OGDH: variants seen among roughly 807,000 people sequenced by gnomAD.
OGDH encodes the protein oxoglutarate dehydrogenase.
Under a neutral mutation model 116.6 loss-of-function variants are expected in OGDH, and 38 were observed. The ratio of observed to expected loss-of-function variants is 0.33; its 90% CI spans 0.25 to 0.43. The LOEUF is 0.43. Among genes scored for constraint, OGDH ranks in the 20% least tolerant of loss-of-function variants. OGDH has a pLI of 1.00. For missense variants in OGDH, 825 were observed against 1,357.2 expected, an observed-to-expected ratio of 0.61 and a Z score of 6.16; for synonymous variants, 488 against 533.3, an observed-to-expected ratio of 0.92 and a Z score of 1.17.
chr7:44,696,540 A>G lies in OGDH; in HGVS notation c.1883A>G (p.Asn628Ser), dbSNP rs1788588727. 1 of 1,614,162 alleles carries G rather than the reference A, an allele frequency of 6.2e-7. No individual in the cohort carries two copies. Among genetic ancestry groups the G allele is most frequent in the East Asian group, 2.2e-5 (1 of 44,878 alleles). ...GTGGCTAGTTCTGTGCCTGTGGAAA[A>G]CTTTACTATTCATGGAGGTAACACG... ...GNVASSVPVE[N>S]FTIHGGLSRI... The change falls in exon 14 of 23, where the codon AAC becomes AGC. Residue 628 changes from asparagine to serine, a missense_variant. Coordinates refer to ENST00000222673, the MANE Select transcript of OGDH (RefSeq NM_002541.4).
chr7:44,705,347 C>T (rs946403083), intron 20 of OGDH, among the ~76,000 whole-genome samples: 23 of 152,022 alleles, frequency 1.5e-4, no homozygotes, highest in Non-Finnish European at 1.9e-4. Context: ...CCACCGCGCC[C>T]GGCCAAGTTT....
intron 2 of OGDH, among the ~76,000 whole-genome samples, chr7:44,636,043 C>G (rs1046282381): frequency 6.6e-6 from 1 of 152,192 alleles, no homozygotes; most frequent in African/African-American, 2.4e-5. Flanking sequence ...GCAGGACCAT[C>G]ATCTTAAATA....
chr7:44,611,109 C>CTAAA (rs1197980155), intron 1 of OGDH, among the ~76,000 whole-genome samples: 2 of 134,046 alleles, frequency 1.5e-5, no homozygotes, highest in Non-Finnish European at 3.1e-5. Flanking sequence ...CGGTCTTACT[C>CTAAA]TGTCACCCCA....
intron 1 of OGDH, among the ~76,000 whole-genome samples, chr7:44,612,322 G>A (rs1001456893): frequency 5.3e-5 from 8 of 151,980 alleles, no homozygotes; most frequent in South Asian, 2.1e-4. Flanking sequence ...TCTCAAAATC[G>A]GATAGATTGA....
intron 2 of OGDH, among the ~76,000 whole-genome samples, chr7:44,637,007 C>T (rs1785699708): frequency 6.6e-6 from 1 of 152,092 alleles, no homozygotes; most frequent in Non-Finnish European, 1.5e-5. Context: ...TCAGCCATTA[C>T]CCTGGTCAGG....
intron 5 of OGDH, among the ~76,000 whole-genome samples, chr7:44,672,527 C>A (rs1236711143): frequency 6.6e-6 from 1 of 152,068 alleles, no homozygotes; most frequent in African/African-American, 2.4e-5. Flanking sequence ...TGCTGACTTG[C>A]AGTTTGCTCT....
chr7:44,628,574 G>A (rs900117442), intron 2 of OGDH, among the ~76,000 whole-genome samples: 70 of 151,294 alleles, frequency 4.6e-4, no homozygotes, highest in African/African-American at 1.6e-3. Flanking sequence ...ACAAGGCAAG[G>A]CCTTGTCTCT....
chr7:44,617,357 C>T (rs1784845871), intron 1 of OGDH, among the ~76,000 whole-genome samples: 1 of 152,110 alleles, frequency 6.6e-6, no homozygotes, highest in Non-Finnish European at 1.5e-5. Context: ...CCCAGGAAAG[C>T]TCACACAGTG....
chr7:44,698,552 G>A (rs929949875), intron 18 of OGDH, among the ~76,000 whole-genome samples: 2 of 152,038 alleles, frequency 1.3e-5, no homozygotes, highest in Admixed American at 6.6e-5. Context: ...GGGCTCCTGC[G>A]GGATGCTTCC....
chr7:44,698,083 A>G (rs1788664580), intron 17 of OGDH, 109 bp from the exon 18 acceptor site: 14 of 1,291,544 alleles, frequency 1.1e-5, no homozygotes, highest in Non-Finnish European at 1.6e-5. Flanking sequence ...CCCTGCCATC[A>G]AGAAAAAAGA....
At chr7:44,658,193 G>A (rs1786778804) in intron 4 of OGDH, among the ~76,000 whole-genome samples, 1 of 151,312 alleles carries the variant, frequency 6.6e-6, no homozygotes, top group Non-Finnish European at 1.5e-5. Flanking sequence ...TCCATTTAGG[G>A]AGAAAATACA....
chr7:44,661,487 A>G (rs1786939464), intron 4 of OGDH, among the ~76,000 whole-genome samples: 1 of 151,920 alleles, frequency 6.6e-6, no homozygotes, highest in African/African-American at 2.4e-5. Flanking sequence ...CAAGTGTGCC[A>G]TTTTATTATT....
chr7:44,691,663 C>A (rs765700717), intron 10 of OGDH, among the ~76,000 whole-genome samples: 5 of 151,604 alleles, frequency 3.3e-5, no homozygotes, highest in Admixed American at 6.6e-5. Flanking sequence ...GGATATTAAA[C>A]AACCACTAAA....
chr7:44,612,155 C>CT (rs1784590755), intron 1 of OGDH, among the ~76,000 whole-genome samples: 1 of 152,136 alleles, frequency 6.6e-6, no homozygotes. Context: ...TTTGAGAAGA[C>CT]TGTTTTTCTT....
intron 2 of OGDH, among the ~76,000 whole-genome samples, chr7:44,633,460 A>C (rs989724153): frequency 6.6e-6 from 1 of 152,112 alleles, no homozygotes; most frequent in African/African-American, 2.4e-5. Flanking sequence ...AAATTACTAA[A>C]AGGTTAGTGC....
chr7:44,646,683 T>A (rs1051532614), intron 3 of OGDH, among the ~76,000 whole-genome samples: 1 of 152,210 alleles, frequency 6.6e-6, no homozygotes, highest in African/African-American at 2.4e-5. Flanking sequence ...TGTGAAAGAA[T>A]CTTAAATTGG....
intron 7 of OGDH, 139 bp downstream of exon 7, chr7:44,674,696 G>A (rs1004249267): frequency 6.6e-6 from 6 of 902,908 alleles, no homozygotes; most frequent in Non-Finnish European, 1.0e-5. Context: ...GGTACCTGAG[G>A]GTGTATTGCT....
At position 44,624,292 on chromosome 7, in the gene OGDH, T is replaced by TG. The variant is rs1785115761; in HGVS notation, c.-27-25_-27-24insG. ...TCATTTTTAAAACCTTTCTTTCTTGTTTTTTTTTTTTTTTTTTTGTACAGG... is the reference window on the plus strand; with the variant it reads ...TCATTTTTAAAACCTTTCTTTCTTGTGTTTTTTTTTTTTTTTTTTGTACAGG... On this transcript the variant is annotated intron_variant, in intron 1 of 22. Transcript: ENST00000222673. The TG allele has an allele frequency of 2.0e-5, 9 of 443,762 alleles. No homozygotes were observed. In the African/African-American group the frequency reaches 2.5e-4, roughly 12 times the overall value. 27.5% of individuals were successfully genotyped at this position (443,762 alleles called of 1,614,324 possible).
chr7:44,673,863 A>T lies in OGDH; in HGVS notation c.710A>T (p.Lys237Met), dbSNP rs1324342539. 1 of 1,614,260 alleles carries T rather than the reference A, an allele frequency of 6.2e-7. No homozygotes were observed. Among genetic ancestry groups the T allele is most frequent in the Non-Finnish European group, 8.5e-7 (1 of 1,180,042 alleles). Reference protein sequence around the residue: ...DLEQCQWIRQKFETPGIMQFT... With the variant: ...DLEQCQWIRQMFETPGIMQFT... ...GAGCAGTGCCAGTGGATCCGGCAGA[A>T]GTTTGAGACCCCTGGGATCATGCAG... Residue 237 changes from lysine to methionine, a missense_variant, in exon 6 of 23, where the codon AAG becomes ATG. Physicochemically the swap from Lys to Met is moderately conservative, Grantham distance 95. Around this residue, in one of 7 missense-constraint regions of OGDH, gnomAD observed 171 missense variants for 276.8 expected, o/e 0.62. Coordinates refer to ENST00000222673, the MANE Select transcript of OGDH (RefSeq NM_002541.4).
Sources: allele counts gnomAD v4.1 joint callset (sites outside exome capture counted in the v4.1 genomes callset), GRCh38; gene constraint gnomAD v4.1.1; regional missense constraint gnomAD v4.1.1; transcripts MANE v1.5; gene names NCBI Gene and HGNC (gene_info 2026-07-23, HGNC 2026-07-21).